ARSK: variants seen among roughly 807,000 people sequenced by gnomAD.
The protein encoded by ARSK is arylsulfatase K.
Under a neutral mutation model 53.2 loss-of-function variants are expected in ARSK, and 37 were observed. The ratio of observed to expected loss-of-function variants is 0.70; its 90% CI spans 0.54 to 0.92. The LOEUF is 0.92. ARSK is among the 40% of genes least tolerant of loss of function. ARSK has a pLI of 0.00. For synonymous variants in ARSK, 208 were observed against 223.2 expected (o/e 0.93, Z 0.61); for missense variants, 613 against 643.0 (o/e 0.95, Z 0.51).
chr5:95,566,166 C>T, intron 2 of ARSK, 39 bp downstream of exon 2: 1 of 1,600,862 alleles, frequency 6.2e-7, no homozygotes, highest in Non-Finnish European at 8.5e-7. Context: ...AAAGTGGCTA[C>T]ACACTGAAAA....
chr5:95,576,390 G>A (rs1580221292), intron 3 of ARSK, among the ~76,000 whole-genome samples: 1 of 151,178 alleles, frequency 6.6e-6, no homozygotes. Context: ...GTAGAGATGG[G>A]GTTTCACAAT....
At chr5:95,580,896 A>AT in intron 3 of ARSK, 1 of 1,287,760 alleles carries the variant, frequency 7.8e-7, no homozygotes, top group South Asian at 1.2e-5. Flanking sequence ...CTTTAGGCAC[A>AT]GTGAACGTGG....
intron 3 of ARSK, among the ~76,000 whole-genome samples, chr5:95,575,586 T>A (rs1446126378): frequency 6.6e-6 from 1 of 152,224 alleles, no homozygotes; most frequent in Non-Finnish European, 1.5e-5. Flanking sequence ...AGAGATCTTT[T>A]ACTTCTTTAA....
intron 3 of ARSK, among the ~76,000 whole-genome samples, chr5:95,575,163 G>A (rs1354251066): frequency 2.6e-5 from 4 of 152,154 alleles, no homozygotes; most frequent in African/African-American, 9.7e-5. Context: ...TAGGTGTATG[G>A]AGTTGTTTCT....
intron 4 of ARSK, among the ~76,000 whole-genome samples, chr5:95,583,661 A>G (rs776781390): frequency 1.3e-5 from 2 of 152,200 alleles, no homozygotes; most frequent in Non-Finnish European, 2.9e-5. Flanking sequence ...ATAGTGCACT[A>G]TAATGAAAAC....
chr5:95,563,280 A>G lies in ARSK; in HGVS notation c.127-2718A>G, dbSNP rs190705970. On this transcript the variant is annotated intron_variant, in intron 1 of 7. Transcript: ENST00000380009. Reference sequence around the variant, plus strand: ...TCCTAGGAACCAAATTTTGCAATTGATATGCTTAATCCAGTTTATTAAGCT... The same window carrying G: ...TCCTAGGAACCAAATTTTGCAATTGGTATGCTTAATCCAGTTTATTAAGCT... Among the ~76,000 whole-genome samples the G allele has an allele frequency of 1.6e-3, 240 of 152,364 alleles. 3 individuals are homozygous for G. Among genetic ancestry groups the G allele is most frequent in the African/African-American group, 5.6e-3 (234 of 41,586 alleles).
chr5:95,581,402 G>A (rs1285017828), intron 3 of ARSK, among the ~76,000 whole-genome samples: 1 of 152,148 alleles, frequency 6.6e-6, no homozygotes, highest in Non-Finnish European at 1.5e-5. Context: ...CTTTGAGATG[G>A]TCTAGACTCG....
intron 2 of ARSK, among the ~76,000 whole-genome samples, chr5:95,567,674 A>G (rs1355791168): frequency 6.6e-6 from 1 of 152,194 alleles, no homozygotes; most frequent in African/African-American, 2.4e-5. Flanking sequence ...GCGTTAGTCA[A>G]CTCATCTGTA....
intron 6 of ARSK, among the ~76,000 whole-genome samples, chr5:95,593,519 CTACAA>C (rs1229031891): frequency 6.6e-6 from 1 of 152,138 alleles, no homozygotes; most frequent in Non-Finnish European, 1.5e-5. Flanking sequence ...ATTTTGTACT[CTACAA>C]TCTTGAGAAG....
At chr5:95,577,470 G>T (rs1748944095) in intron 3 of ARSK, among the ~76,000 whole-genome samples, 2 of 152,162 alleles carry the variant, frequency 1.3e-5, no homozygotes, top group African/African-American at 4.8e-5. Context: ...ATACCAATTT[G>T]TTAGCTTAGC....
At chr5:95,556,134 C>T (rs1214716179) in intron 1 of ARSK, 4 of 696,178 alleles carry the variant, frequency 5.7e-6, no homozygotes, top group African/African-American at 3.5e-5. Context: ...ACTGTGGTCA[C>T]ACAGATGTTG....
At position 95,555,213 on chromosome 5, in the gene ARSK, G is replaced by A; in HGVS notation, c.-66G>A. 2 of 1,493,632 alleles carry A rather than the reference G, an allele frequency of 1.3e-6. No homozygotes were observed. Among genetic ancestry groups the A allele is most frequent in the Non-Finnish European group, 1.8e-6 (2 of 1,109,422 alleles). The allele number at this position is 1,493,632 out of a possible 1,614,324, so 92.5% of individuals were successfully genotyped here. ...TTGTTCGCTGTCCCTGCCCTGCTCT[G>A]CTAGGGAGAGAACGCCAGAGGGAGG... is the stretch of plus-strand genomic sequence containing the variant. On this transcript the variant is annotated 5_prime_UTR_variant, in exon 1 of 8. Transcript: ENST00000380009. The surrounding 1 kb of genome is among the most constrained non-coding windows in gnomAD (Gnocchi z 4.0).
intron 3 of ARSK, chr5:95,580,967 C>T (rs142172794): frequency 5.6e-6 from 7 of 1,254,096 alleles, no homozygotes; most frequent in African/African-American, 1.5e-5. Flanking sequence ...TGCCTTTAAC[C>T]ATAATCTTGT....
Position 95,566,134 on chromosome 5 carries a change from A to G in ARSK, c.256+7A>G. The G allele has an allele frequency of 6.2e-7, 1 of 1,612,656 alleles. No homozygotes were observed. The highest frequency in any genetic ancestry group is 8.5e-7 in the Non-Finnish European group (1 of 1,179,588). On this transcript the variant is annotated splice_region_variant and intron_variant, in intron 2 of 7. Transcript: ENST00000380009. The stretch of plus-strand genomic sequence containing the variant: ...TGTTGCCCATCACGCGCAGGTATGA[A>G]CATCCTTAATATGAATGGGAGAAAG...
chr5:95,564,859 CCTT>C (rs969325222), intron 1 of ARSK, among the ~76,000 whole-genome samples: 13 of 152,136 alleles, frequency 8.5e-5, no homozygotes, highest in Non-Finnish European at 1.8e-4. Flanking sequence ...TCTTTCCCCT[CCTT>C]CTCTCTCCCT....
chr5:95,585,535 C>G (rs905263549), intron 4 of ARSK, among the ~76,000 whole-genome samples: 1 of 152,068 alleles, frequency 6.6e-6, no homozygotes, highest in African/African-American at 2.4e-5. Flanking sequence ...AATTGGAGAC[C>G]GTTATTCTAA....
chr5:95,596,664 G>A (rs1283064926), intron 6 of ARSK, among the ~76,000 whole-genome samples: 1 of 151,990 alleles, frequency 6.6e-6, no homozygotes, highest in African/African-American at 2.4e-5. Context: ...CCATTCTGTG[G>A]ATCTTAGAAA....
intron 1 of ARSK, among the ~76,000 whole-genome samples, chr5:95,557,460 T>G (rs910546882): frequency 3.9e-5 from 6 of 152,364 alleles, no homozygotes; most frequent in Non-Finnish European, 7.3e-5. Flanking sequence ...AATTACTTAT[T>G]TGCTTTATCC....
At chr5:95,568,116 T>G in intron 3 of ARSK, 67 bp downstream of exon 3, 1 of 1,448,000 alleles carries the variant, frequency 6.9e-7, no homozygotes, top group Non-Finnish European at 9.2e-7. Flanking sequence ...GTACTCTTTT[T>G]GACTTTAATT....
Sources: gnomAD v4.1 joint callset for allele counts (sites outside exome capture counted in the v4.1 genomes callset) on GRCh38, gnomAD v4.1.1 for gene constraint, Gnocchi (gnomAD v3.1) non-coding constraint, MANE v1.5 for transcripts, NCBI Gene and HGNC (gene_info 2026-07-23, HGNC 2026-07-21) for gene names.